The following DENND4C variants were observed in gnomAD, a reference collection of about 807,000 sequenced individuals.
DENND4C encodes DENN domain containing 4C.
A neutral mutation model predicts 203.0 loss-of-function variants in DENND4C; 108 were observed. That is an observed-to-expected ratio of 0.53 (90% CI 0.46 to 0.62). The LOEUF (loss-of-function observed/expected upper bound fraction) is 0.62. DENND4C is among the 20% of genes least tolerant of loss of function. DENND4C has a pLI of 0.00. For missense variants in DENND4C, 2,481 were observed against 2,301.2 expected, an observed-to-expected ratio of 1.08 and a Z score of -1.60; for synonymous variants, 871 against 792.4, an observed-to-expected ratio of 1.10 and a Z score of -1.67.
At chr9:19,306,784 TTTATTTA>T (rs1839766587) in intron 10 of DENND4C, among the ~76,000 whole-genome samples, 1 of 148,056 alleles carries the variant, frequency 6.8e-6, no homozygotes, top group Admixed American at 6.7e-5. Context: ...TATTTATTTA[TTTATTTA>T]TTTTGAGACA....
At chr9:19,299,388 T>C (rs979512474) in intron 8 of DENND4C, 101 bp downstream of exon 8, 1 of 769,296 alleles carries the variant, frequency 1.3e-6, no homozygotes, top group Non-Finnish European at 1.9e-6. Context: ...GTGATTGTTA[T>C]TTTACAATTA....
intron 2 of DENND4C, among the ~76,000 whole-genome samples, chr9:19,286,261 G>T (rs890984737): frequency 6.6e-6 from 1 of 151,964 alleles, no homozygotes; most frequent in East Asian, 1.9e-4. Flanking sequence ...CTATTTGAGG[G>T]TATTGCCATC....
chr9:19,281,737 A>G (rs1834081928), intron 2 of DENND4C, among the ~76,000 whole-genome samples: 1 of 152,264 alleles, frequency 6.6e-6, no homozygotes, highest in South Asian at 2.1e-4. Flanking sequence ...TTGTGTGAAC[A>G]TCATAGAGTG....
At chr9:19,317,316 G>T (rs945985012) in intron 12 of DENND4C, among the ~76,000 whole-genome samples, 1 of 151,560 alleles carries the variant, frequency 6.6e-6, no homozygotes, top group African/African-American at 2.4e-5. Flanking sequence ...CACTGCACTT[G>T]GCCAGATGTG....
At chr9:19,322,536 C>T (rs1281467940) in intron 12 of DENND4C, among the ~76,000 whole-genome samples, 1 of 151,706 alleles carries the variant, frequency 6.6e-6, no homozygotes, top group Admixed American at 6.6e-5. Context: ...CCGAGGTGGG[C>T]GGATCACGAG....
chr9:19,266,401 T>G (rs953219097), intron 1 of DENND4C, among the ~76,000 whole-genome samples: 1 of 152,222 alleles, frequency 6.6e-6, no homozygotes, highest in Non-Finnish European at 1.5e-5. Flanking sequence ...TCTCCTGTTC[T>G]ATAGGTTGCC....
intron 1 of DENND4C, among the ~76,000 whole-genome samples, chr9:19,272,944 C>CTT (rs1564107230): frequency 7.6e-5 from 8 of 105,930 alleles, no homozygotes; most frequent in African/African-American, 2.3e-4. Context: ...ATTTTTGTAT[C>CTT]CTTTTTTTTT....
At chr9:19,291,883 T>A (rs1335019313) in intron 5 of DENND4C, among the ~76,000 whole-genome samples, 2 of 152,048 alleles carry the variant, frequency 1.3e-5, no homozygotes, top group African/African-American at 4.8e-5. Flanking sequence ...AAGGAGAGAC[T>A]AGAAAAGGAC....
rs143211907 is a variant in DENND4C at position 19,297,769 on chromosome 9, A to G, written c.1041-287A>G. Among the ~76,000 whole-genome samples the G allele has an allele frequency of 5.3e-5, 8 of 152,298 alleles. No homozygotes were observed. The East Asian group carries it at 1.3e-3, about 26-fold the overall frequency. ...TACTGGCACAGATAACCAGGGCTAT[A>G]AAAATTCACTTCTTTCATGAAAACT... On this transcript the variant is annotated intron_variant, in intron 6 of 32. Transcript: ENST00000434457.
chr9:19,345,535 A>G (rs1044752155), intron 22 of DENND4C, among the ~76,000 whole-genome samples: 16 of 152,352 alleles, frequency 1.1e-4, no homozygotes, highest in Admixed American at 9.1e-4. Flanking sequence ...TAAGATTACA[A>G]ATTTGCTTTT....
chr9:19,315,837 C>T (rs1027643279), intron 10 of DENND4C, among the ~76,000 whole-genome samples: 5 of 151,928 alleles, frequency 3.3e-5, no homozygotes, highest in African/African-American at 4.8e-5. Context: ...TCCTGAGTAG[C>T]TGGGACTACA....
In DENND4C at chr9:19,346,125, C is replaced by G; in HGVS notation, c.3356C>G (p.Ala1119Gly). The G allele has an allele frequency of 6.2e-7, 1 of 1,614,182 alleles. No individual in the cohort carries two copies. The highest frequency in any genetic ancestry group is 8.5e-7 in the Non-Finnish European group (1 of 1,180,020). The change falls in exon 23 of 33, where the codon GCT (alanine) becomes GGT (glycine). Residue 1119 changes from alanine to glycine, a missense_variant. Transcript: ENST00000434457. ...TTGGATTCGAATTCAAGTGAAATGGCTATCATGATGGGAGCAGATGCCAAG... is the reference window on the plus strand; with the variant it reads ...TTGGATTCGAATTCAAGTGAAATGGGTATCATGATGGGAGCAGATGCCAAG... ...SSLDSNSSEMAIMMGADAKIL... is the reference protein window; with the variant it reads ...SSLDSNSSEMGIMMGADAKIL...
intron 10 of DENND4C, among the ~76,000 whole-genome samples, chr9:19,306,741 A>T (rs1839737153): frequency 6.8e-6 from 1 of 146,136 alleles, no homozygotes; most frequent in Non-Finnish European, 1.5e-5. Context: ...GTGTTTGCAC[A>T]ATTGTATTTA....
At chr9:19,360,633 T>A in intron 29 of DENND4C, 144 bp downstream of exon 29, 1 of 1,101,058 alleles carries the variant, frequency 9.1e-7, no homozygotes, top group Non-Finnish European at 1.3e-6. Context: ...AGTCCTGGAA[T>A]GGTAAAGTGT....
At chr9:19,236,762 A>G (rs536872534) in intron 1 of DENND4C, among the ~76,000 whole-genome samples, 3 of 152,270 alleles carry the variant, frequency 2.0e-5, no homozygotes, top group African/African-American at 7.2e-5. Flanking sequence ...ATGTCGCTTT[A>G]GCCTTATCTT....
intron 10 of DENND4C, among the ~76,000 whole-genome samples, chr9:19,310,236 T>A (rs1427586931): frequency 6.6e-6 from 1 of 152,330 alleles, no homozygotes; most frequent in Non-Finnish European, 1.5e-5. Context: ...TATTTTAAAA[T>A]TTTTTATCTT....
intron 1 of DENND4C, among the ~76,000 whole-genome samples, chr9:19,237,835 G>C (rs1309700773): frequency 6.6e-6 from 1 of 151,952 alleles, no homozygotes; most frequent in Non-Finnish European, 1.5e-5. Flanking sequence ...TAAAAAAGTA[G>C]CGATAAGTGA....
intron 1 of DENND4C, among the ~76,000 whole-genome samples, chr9:19,268,789 G>C (rs763224975): frequency 1.3e-5 from 2 of 152,002 alleles, no homozygotes; most frequent in Non-Finnish European, 1.5e-5. Context: ...AGTTTCTACT[G>C]AGAAGTGTGC....
Position 19,300,194 on chromosome 9 carries a change from A to T in DENND4C, c.1174A>T (p.Asn392Tyr). The T allele has an allele frequency of 6.3e-7, 1 of 1,598,818 alleles. No homozygotes were observed. The highest frequency in any genetic ancestry group is 2.2e-5 in the East Asian group (1 of 44,554). ...TCTCTTTTTTTTCCCTAGTGGAGCC[A>T]ACTTTAGCACCTTGCTAATGAATCT... ...VSTPLPLSGA[N>Y]FSTLLMNLGP... The change falls in exon 9 of 33, where the codon AAC becomes TAC. Residue 392 changes from asparagine (N) to tyrosine (Y), a missense_variant. Asn to Tyr is a moderately radical substitution (Grantham distance 143). Coordinates refer to ENST00000434457, the MANE Select transcript of DENND4C (RefSeq NM_001330640.2).
Sources: allele counts gnomAD v4.1 joint callset (sites outside exome capture counted in the v4.1 genomes callset), GRCh38; gene constraint gnomAD v4.1.1; transcripts MANE v1.5; gene names NCBI Gene and HGNC (gene_info 2026-07-23, HGNC 2026-07-21).